Variants in SGCG observed in about 807,000 individuals in gnomAD.
The protein encoded by SGCG is gamma-sarcoglycan.
SGCG carries 26 observed loss-of-function variants against 29.3 expected under a neutral mutation model. The ratio of observed to expected loss-of-function variants is 0.89; its 90% confidence interval spans 0.65 to 1.23. The LOEUF is 1.23. Among genes scored for constraint, SGCG ranks in the 50% most tolerant of loss-of-function variants. The pLI, the probability that SGCG is intolerant of heterozygous loss-of-function variation, is 0.00. For missense variants in SGCG, 353 were observed against 356.0 expected (o/e 0.99, Z 0.07); for synonymous variants, 145 against 129.7 (o/e 1.12, Z -0.80).
rs1877872414 is a variant in SGCG, at chr13:23,203,867, T to G, written c.173T>G (p.Leu58Arg). ...VVNLALTIWI[L>R]KVMWFSPAGM... ...AATTTAGCTCTTACAATTTGGATTC[T>G]TAAAGTGATGTGGTTTTCTCCAGTA... is the stretch of plus-strand genomic sequence containing the variant. Residue 58 changes from leucine (L) to arginine (R), a missense_variant, in exon 2 of 8, where the codon CTT (leucine) becomes CGT (arginine). Coordinates refer to ENST00000218867, the MANE Select transcript of SGCG (RefSeq NM_000231.3). The G allele has an allele frequency of 1.2e-6, 2 of 1,612,952 alleles. No individual in the cohort carries two copies. Among genetic ancestry groups the G allele is most frequent in the Non-Finnish European group, 8.5e-7 (1 of 1,178,850 alleles).
At chr13:23,185,061 T>G (rs1165454828) in intron 1 of SGCG, among the ~76,000 whole-genome samples, 1 of 152,198 alleles carries the variant, frequency 6.6e-6, no homozygotes, top group Admixed American at 6.5e-5. Context: ...AGGTTGTGGT[T>G]TTTGCAATCT....
At chr13:23,188,665 T>C (rs1385228563) in intron 1 of SGCG, among the ~76,000 whole-genome samples, 5 of 152,018 alleles carry the variant, frequency 3.3e-5, no homozygotes, top group African/African-American at 9.7e-5. Flanking sequence ...TCTAGTCCGG[T>C]CCACATGGTA....
At chr13:23,298,481 G>A (rs953845932) in intron 6 of SGCG, among the ~76,000 whole-genome samples, 2 of 152,090 alleles carry the variant, frequency 1.3e-5, no homozygotes, top group Non-Finnish European at 2.9e-5. Flanking sequence ...AAAGCAAATA[G>A]GAGTTCAATT....
Position 23,319,266 on chromosome 13 carries a change from C to T in SGCG, c.579-1371C>T, listed in dbSNP as rs1035378505. 2.0e-5 allele frequency among the ~76,000 whole-genome samples: 3 copies of T among 150,416 alleles called. No homozygotes were observed. The East Asian group carries it at 5.9e-4, about 29-fold the overall frequency. The stretch of plus-strand genomic sequence containing the variant: ...TGAGCCAAGACCACACCACTGTATT[C>T]TCTAGCCTGGGTGACAGAGCAAGAC... On this transcript the variant is annotated intron_variant, in intron 6 of 7. Coordinates refer to ENST00000218867, the MANE Select transcript of SGCG (RefSeq NM_000231.3).
upstream of SGCG, among the ~76,000 whole-genome samples, chr13:23,179,531 A>G (rs1876662943): frequency 6.6e-6 from 1 of 152,250 alleles, no homozygotes; most frequent in South Asian, 2.1e-4. Context: ...CTTTTCAGAC[A>G]TACACTCATA....
intron 3 of SGCG, among the ~76,000 whole-genome samples, chr13:23,238,922 C>G (rs985288012): frequency 6.6e-6 from 1 of 152,052 alleles, no homozygotes; most frequent in Admixed American, 6.6e-5. Context: ...AACAGCATAT[C>G]AGTAACTTTC....
At chr13:23,274,395 C>CTTTTTTTTTTTTTTTTTTT (rs869153381) in intron 4 of SGCG, among the ~76,000 whole-genome samples, 1 of 85,250 alleles carries the variant, frequency 1.2e-5, no homozygotes, top group Non-Finnish European at 2.2e-5. Context: ...CTTTCTTTCT[C>CTTTTTTTTTTTTTTTTTTT]TTTTTTTTTT....
chr13:23,324,400 C>T lies in SGCG; in HGVS notation c.735C>T (p.Pro245=), dbSNP rs373785384. 15 of 1,614,196 alleles carry T rather than the reference C, an allele frequency of 9.3e-6. No individual in the cohort carries two copies. The highest frequency in any genetic ancestry group is 1.3e-5 in the Non-Finnish European group (15 of 1,180,036). ...LVLDAETVCL[P]KLVQGTWGPS... ...TTGATGCTGAAACTGTGTGCTTACC[C>T]AAGCTGGTGCAGGGGACGTGGGGTC... Residue 245 remains proline (P), a synonymous_variant, in exon 8 of 8, where the codon CCC becomes CCT. Transcript: ENST00000218867.
At chr13:23,212,959 G>A (rs934829560) in intron 2 of SGCG, among the ~76,000 whole-genome samples, 1 of 152,110 alleles carries the variant, frequency 6.6e-6, no homozygotes, top group Non-Finnish European at 1.5e-5. Context: ...TGCTGACAGT[G>A]TTGATGTGAT....
intron 4 of SGCG, among the ~76,000 whole-genome samples, chr13:23,251,337 G>T (rs888773164): frequency 6.6e-6 from 1 of 152,068 alleles, no homozygotes; most frequent in Admixed American, 6.6e-5. Flanking sequence ...CATTCCTTTG[G>T]GTCAGTCAGC....
intron 6 of SGCG, among the ~76,000 whole-genome samples, chr13:23,311,361 C>T (rs1400108406): frequency 6.6e-6 from 1 of 152,162 alleles, no homozygotes; most frequent in Non-Finnish European, 1.5e-5. Flanking sequence ...AACTCATGTT[C>T]TTTTTCAATT....
At chr13:23,294,839 A>C (rs1477975890) in intron 5 of SGCG, among the ~76,000 whole-genome samples, 1 of 152,194 alleles carries the variant, frequency 6.6e-6, no homozygotes, top group Non-Finnish European at 1.5e-5. Context: ...AGGATACATC[A>C]AAGAGCATGT....
intron 4 of SGCG, among the ~76,000 whole-genome samples, chr13:23,275,804 T>A (rs1363914111): frequency 6.6e-6 from 1 of 152,256 alleles, no homozygotes; most frequent in Non-Finnish European, 1.5e-5. Context: ...GTCCTTTCTC[T>A]GTGATACCAC....
At chr13:23,188,387 G>C (rs1028952333) in intron 1 of SGCG, among the ~76,000 whole-genome samples, 16 of 138,852 alleles carry the variant, frequency 1.2e-4, no homozygotes, top group African/African-American at 4.0e-4. Context: ...GTGCAATGGA[G>C]CGATCTCGGC....
chr13:23,287,947 G>T (rs1881559914), intron 5 of SGCG, among the ~76,000 whole-genome samples: 1 of 152,102 alleles, frequency 6.6e-6, no homozygotes, highest in Admixed American at 6.5e-5. Context: ...AAGAGATGGG[G>T]TTTCACCATG....
At chr13:23,213,326 A>G (rs1423016154) in intron 2 of SGCG, among the ~76,000 whole-genome samples, 2 of 152,236 alleles carry the variant, frequency 1.3e-5, no homozygotes, top group Non-Finnish European at 2.9e-5. Flanking sequence ...ATATAAAAAT[A>G]TAAAAATTAG....
intron 5 of SGCG, among the ~76,000 whole-genome samples, chr13:23,280,935 G>A (rs946669146): frequency 3.3e-5 from 5 of 152,094 alleles, no homozygotes; most frequent in East Asian, 3.9e-4. Context: ...GGCTCCTTCC[G>A]GGCCATGACA....
At chr13:23,281,024 G>A (rs992039183) in intron 5 of SGCG, among the ~76,000 whole-genome samples, 3 of 152,076 alleles carry the variant, frequency 2.0e-5, no homozygotes, top group Non-Finnish European at 2.9e-5. Flanking sequence ...AGAGCCATCC[G>A]GAGGGTTTGT....
chr13:23,322,841 G>T (rs1425951826), intron 7 of SGCG, among the ~76,000 whole-genome samples: 1 of 147,778 alleles, frequency 6.8e-6, no homozygotes, highest in Admixed American at 7.0e-5. Flanking sequence ...TGGAAGTCAG[G>T]AAGCCTGAGT....
Sources: gnomAD v4.1 joint callset for allele counts (sites outside exome capture counted in the v4.1 genomes callset) on GRCh38, gnomAD v4.1.1 for gene constraint, MANE v1.5 for transcripts, NCBI Gene and HGNC (gene_info 2026-07-23, HGNC 2026-07-21) for gene names.